Variants in GLIS3 observed in about 807,000 individuals in gnomAD.
The protein encoded by GLIS3 is GLIS family zinc finger 3, also known as zinc finger protein GLIS3.
Under a neutral mutation model 78.6 loss-of-function variants are expected in GLIS3, and 53 were observed. The ratio of observed to expected loss-of-function variants is 0.67; its 90% CI spans 0.54 to 0.85. The LOEUF (loss-of-function observed/expected upper bound fraction) is 0.85, where lower values mean the gene tolerates loss of function less well. GLIS3 is among the 40% of genes least tolerant of loss of function. The probability of loss-of-function intolerance (pLI) is 0.00; values close to 1 mark genes in which losing one functional copy is unlikely to be tolerated. For synonymous variants in GLIS3, 684 were observed against 509.9 expected, an observed-to-expected ratio of 1.34 and a Z score of -4.60; for missense variants, 1,703 against 1,231.1, an observed-to-expected ratio of 1.38 and a Z score of -5.74.
chr9:4,405,806 T>C, the GLIS3 span, among the ~76,000 whole-genome samples: 9 of 149,816 alleles, frequency 6.0e-5, no homozygotes, highest in East Asian at 2.0e-4. Flanking sequence ...TGAATATTGA[T>C]ACAAAAATCC....
chr9:3,937,507 A>T (rs567922572), intron 4 of GLIS3, among the ~76,000 whole-genome samples: 113 of 152,294 alleles, frequency 7.4e-4, no homozygotes, highest in African/African-American at 2.7e-3. Flanking sequence ...TGTCTTAAAG[A>T]TTTATTAAAA....
intron 4 of GLIS3, among the ~76,000 whole-genome samples, chr9:4,090,984 C>G (rs1829450144): frequency 6.6e-6 from 1 of 152,142 alleles, no homozygotes; most frequent in African/African-American, 2.4e-5. Flanking sequence ...TATTTAACCT[C>G]TTTGTGCCTT....
At chr9:4,390,950 C>T in the GLIS3 span, among the ~76,000 whole-genome samples, 2 of 152,176 alleles carry the variant, frequency 1.3e-5, no homozygotes, top group African/African-American at 4.8e-5. Flanking sequence ...AACAAGTTCT[C>T]CACATTGGGG....
intron 2 of GLIS3, among the ~76,000 whole-genome samples, chr9:4,283,746 C>G (rs555836735): frequency 6.6e-6 from 1 of 152,308 alleles, no homozygotes; most frequent in South Asian, 2.1e-4. Flanking sequence ...CCATCCTCAA[C>G]CAGTTATTGG....
intron 2 of GLIS3, among the ~76,000 whole-genome samples, chr9:4,173,763 G>A (rs995778888): frequency 6.6e-6 from 1 of 152,012 alleles, no homozygotes; most frequent in African/African-American, 2.4e-5. Context: ...TGCCCAGTAA[G>A]ATTTTTCTGA....
At chr9:4,026,167 C>T (rs913782438) in intron 4 of GLIS3, among the ~76,000 whole-genome samples, 1 of 152,194 alleles carries the variant, frequency 6.6e-6, no homozygotes, top group East Asian at 1.9e-4. Context: ...GGTATTCAAT[C>T]AAAGAGGCCC....
chr9:4,457,141 T>C, the GLIS3 span, among the ~76,000 whole-genome samples: 3 of 152,074 alleles, frequency 2.0e-5, no homozygotes, highest in South Asian at 4.1e-4. Flanking sequence ...GGTGGGAGGA[T>C]TGCTTGAGGC....
the GLIS3 span, among the ~76,000 whole-genome samples, chr9:4,374,638 A>C: frequency 1.3e-5 from 2 of 152,240 alleles, no homozygotes; most frequent in East Asian, 3.8e-4. Context: ...CAATCAGGGC[A>C]TCTTGTCTTC....
At chr9:4,326,448 C>T (rs560142717) in intron 2 of GLIS3, among the ~76,000 whole-genome samples, 1 of 152,024 alleles carries the variant, frequency 6.6e-6, no homozygotes, top group African/African-American at 2.4e-5. Flanking sequence ...GTGAAATAGT[C>T]ACAAAAAAAT....
At chr9:3,883,009 A>G (rs1821836512) in intron 7 of GLIS3, among the ~76,000 whole-genome samples, 1 of 152,148 alleles carries the variant, frequency 6.6e-6, no homozygotes, top group Non-Finnish European at 1.5e-5. Context: ...GACCAAGATG[A>G]TGACCAGAAA....
At chr9:4,243,779 G>A (rs1299750246) in intron 2 of GLIS3, among the ~76,000 whole-genome samples, 3 of 152,134 alleles carry the variant, frequency 2.0e-5, no homozygotes, top group Non-Finnish European at 2.9e-5. Context: ...GTTGAAGGTG[G>A]GAGGCTAAAC....
At chr9:4,227,985 C>G (rs1821921718) in intron 2 of GLIS3, among the ~76,000 whole-genome samples, 1 of 152,098 alleles carries the variant, frequency 6.6e-6, no homozygotes, top group African/African-American at 2.4e-5. Context: ...ACATGTCTAA[C>G]TTAGAAAACT....
chr9:4,058,521 A>G lies in GLIS3; in HGVS notation c.1710+59247T>C, dbSNP rs758039326. On this transcript the variant is annotated intron_variant, in intron 4 of 10. Coordinates refer to ENST00000381971, the MANE Select transcript of GLIS3 (RefSeq NM_001042413.2). ...TCCTGCATGTTATCTATTTTTTCCA[A>G]TAAGTCCTGGAATGTACTTAGCATA... Among the ~76,000 whole-genome samples the G allele has an allele frequency of 1.5e-4, 23 of 151,776 alleles. No individual in the cohort carries two copies. In the East Asian group the frequency reaches 2.7e-3, roughly 18 times the overall value.
the GLIS3 span, among the ~76,000 whole-genome samples, chr9:4,384,004 G>T: frequency 2.0e-5 from 3 of 152,164 alleles, no homozygotes; most frequent in African/African-American, 7.2e-5. Flanking sequence ...ACTTCTCAGG[G>T]AGTTTGTGTG....
At chr9:4,462,975 C>G in the GLIS3 span, among the ~76,000 whole-genome samples, 57 of 152,264 alleles carry the variant, frequency 3.7e-4, no homozygotes, top group African/African-American at 1.3e-3. Context: ...TAAAATTTAA[C>G]CATTCTCTGG....
At chr9:3,849,337 G>A (rs1211264347) in intron 9 of GLIS3, among the ~76,000 whole-genome samples, 6 of 152,130 alleles carry the variant, frequency 3.9e-5, no homozygotes, top group Non-Finnish European at 5.9e-5. Flanking sequence ...AACTGTGAAC[G>A]GAATCTCCGT....
chr9:4,379,741 C>G, the GLIS3 span, among the ~76,000 whole-genome samples: 1 of 152,168 alleles, frequency 6.6e-6, no homozygotes, highest in East Asian at 1.9e-4. Flanking sequence ...TTCGCAGTGT[C>G]CCTAGCAATG....
intron 2 of GLIS3, among the ~76,000 whole-genome samples, chr9:4,154,193 T>C (rs1301598873): frequency 1.3e-5 from 2 of 152,178 alleles, no homozygotes; most frequent in African/African-American, 4.8e-5. Flanking sequence ...TTCTACTGTA[T>C]GTAATTGGCC....
rs183083499 is a variant in GLIS3 at position 4,199,941 on chromosome 9, G to A, written c.389-74000C>T. Among the ~76,000 whole-genome samples, 717 of 152,134 alleles carry A rather than the reference G, an allele frequency of 4.7e-3. 2 individuals carry two copies. Among genetic ancestry groups the A allele is most frequent in the Non-Finnish European group, 7.1e-3 (486 of 67,996 alleles). The stretch of plus-strand genomic sequence containing the variant: ...AAGTCACAATAAATTCAAAAAAATC[G>A]AAATCATACCAATCGTACTCTTGGA... On this transcript the variant is annotated intron_variant, in intron 2 of 10. Coordinates refer to ENST00000381971, the MANE Select transcript of GLIS3 (RefSeq NM_001042413.2).
Sources: gnomAD v4.1 joint callset for allele counts (sites outside exome capture counted in the v4.1 genomes callset) on GRCh38, gnomAD v4.1.1 for gene constraint, MANE v1.5 for transcripts, NCBI Gene and HGNC (gene_info 2026-07-23, HGNC 2026-07-21) for gene names.